TMEM184A: variants seen among roughly 807,000 people sequenced by gnomAD.
The protein encoded by TMEM184A is sexually dimorphic, expressed in male gonads 1.
In TMEM184A, 40 loss-of-function variants were observed where a neutral mutation model predicts 39.5. The observed-to-expected ratio is 1.01, with a 90% CI of 0.79 to 1.32. The LOEUF (loss-of-function observed/expected upper bound fraction) is 1.32, where lower values mean the gene tolerates loss of function less well. Ranked by LOEUF, TMEM184A falls within the 40% of genes most tolerant of loss-of-function variation. The pLI, the probability that TMEM184A is intolerant of heterozygous loss-of-function variation, is 0.00. For missense variants in TMEM184A, 603 were observed against 568.8 expected (o/e 1.06, Z -0.61); for synonymous variants, 280 against 252.3 (o/e 1.11, Z -1.04).
In TMEM184A at chr7:1,555,422, C is replaced by A. The variant is rs146216592; in HGVS notation, c.63G>T (p.Pro21=). The change falls in exon 2 of 9, where the codon CCG becomes CCT. Residue 21 remains proline, a synonymous_variant. Transcript: ENST00000297477. The surrounding 1 kb of genome is among the most constrained non-coding windows in gnomAD (Gnocchi z 5.2). ...GCACAGCCGGTGGGGGGCTGGGCTG[C>A]GGCCAGTTCGCTGACACCAGGGGGA... ...AGVPLVSANW[P]QPSPPPAVPA... 1.7e-5 allele frequency: 28 copies of A among 1,611,322 alleles called. No homozygotes were observed. The highest frequency in any genetic ancestry group is 2.4e-5 in the Non-Finnish European group (28 of 1,179,654).
rs973981301 is a variant in TMEM184A at position 1,546,846 on chromosome 7, CAGGAG to C, written c.*101_*105del. 2 of 774,836 alleles carry C rather than the reference CAGGAG, an allele frequency of 2.6e-6. No individual in the cohort carries two copies. Among genetic ancestry groups the C allele is most frequent in the Non-Finnish European group, 4.0e-6 (2 of 503,136 alleles). The allele number at this position is 774,836 out of a possible 1,614,324, so 48.0% of individuals were successfully genotyped here. The stretch of plus-strand genomic sequence containing the variant: ...TCCGAGGGCCTCACAGGTGGGCTCT[CAGGAG>C]AGGCCCCACCTTTGGCAGGAGTTGG... On this transcript the variant is annotated 3_prime_UTR_variant, in exon 9 of 9. Coordinates refer to ENST00000297477, the MANE Select transcript of TMEM184A (RefSeq NM_001097620.2).
intron 4 of TMEM184A, 27 bp downstream of exon 4, chr7:1,550,278 G>T: frequency 6.2e-7 from 1 of 1,611,142 alleles, no homozygotes; most frequent in South Asian, 1.1e-5. Flanking sequence ...TGTGTGGGGT[G>T]TGGGGGCTCT....
chr7:1,554,448 G>A (rs1353460132), intron 2 of TMEM184A, among the ~76,000 whole-genome samples: 5 of 152,134 alleles, frequency 3.3e-5, no homozygotes, highest in African/African-American at 7.2e-5. Context: ...CCACCTCACC[G>A]CACTGGGGTC....
Position 1,547,217 on chromosome 7 carries a change from C to T in TMEM184A, c.1013-36G>A, listed in dbSNP as rs777484624. The T allele has an allele frequency of 3.9e-6, 5 of 1,268,758 alleles. No individual in the cohort carries two copies. In the Admixed American group the frequency reaches 7.6e-5, roughly 19 times the overall value. 78.6% of individuals were successfully genotyped at this position (1,268,758 alleles called of 1,614,324 possible). A position where few individuals can be genotyped will look rare whatever the true frequency, so the allele number is the denominator to read the frequency against. On this transcript the variant is annotated intron_variant, in intron 8 of 8. Coordinates refer to ENST00000297477, the MANE Select transcript of TMEM184A (RefSeq NM_001097620.2). ...GCAGTGTATGAGCCCCACCATCCCC[C>T]CTGCACTCCAGCTCCCCGGACAAGT...
At position 1,542,993 on chromosome 7, in the gene TMEM184A, C is replaced by G. The variant is rs1043837120; in HGVS notation, c.*3959G>C. On this transcript the variant is annotated 3_prime_UTR_variant, in exon 9 of 9. Coordinates refer to ENST00000297477, the MANE Select transcript of TMEM184A (RefSeq NM_001097620.2). ...ACCTAATTTATTGCCGTGCGTCCTGCTGCTGTGACTGCTTTTGTACCTTTG... is the reference window on the plus strand; with the variant it reads ...ACCTAATTTATTGCCGTGCGTCCTGGTGCTGTGACTGCTTTTGTACCTTTG... The G allele has an allele frequency of 6.5e-6, 1 of 152,728 alleles. No homozygotes were observed. Among genetic ancestry groups the G allele is most frequent in the Non-Finnish European group, 1.5e-5 (1 of 68,100 alleles). 9.5% of individuals were successfully genotyped at this position (152,728 alleles called of 1,614,324 possible). A position where few individuals can be genotyped will look rare whatever the true frequency, so the allele number is the denominator to read the frequency against.
chr7:1,548,792 C>A, intron 6 of TMEM184A, 104 bp from the exon 7 acceptor site: 2 of 1,370,756 alleles, frequency 1.5e-6, no homozygotes, highest in South Asian at 2.5e-5. Context: ...CCACCCTGAG[C>A]TTGGGAGCAT....
Position 1,550,186 on chromosome 7 carries a change from C to A in TMEM184A, c.489G>T (p.Leu163Phe). The change falls in exon 5 of 9, where the codon TTG becomes TTT. Residue 163 changes from leucine (L) to phenylalanine (F), a missense_variant. Coordinates refer to ENST00000297477, the MANE Select transcript of TMEM184A (RefSeq NM_001097620.2). ...IRGKPIKSSCLYGTCCLRGMT... is the reference protein window; with the variant it reads ...IRGKPIKSSCFYGTCCLRGMT... ...TGCCCCGGAGGCAGCAGGTGCCGTA[C>A]AAGCAGCTGGACCTGCGGGGGACGT... The A allele has an allele frequency of 6.2e-7, 1 of 1,608,616 alleles. No individual in the cohort carries two copies. The highest frequency in any genetic ancestry group is 8.5e-7 in the Non-Finnish European group (1 of 1,178,240).
In TMEM184A at chr7:1,543,165, G is replaced by GT. The variant is rs1264728627; in HGVS notation, c.*3786dup. 1 of 152,292 alleles carries GT rather than the reference G, an allele frequency of 6.6e-6. No individual in the cohort carries two copies. Among genetic ancestry groups the GT allele is most frequent in the Non-Finnish European group, 1.5e-5 (1 of 68,028 alleles). 9.4% of individuals were successfully genotyped at this position (152,292 alleles called of 1,614,324 possible). On this transcript the variant is annotated 3_prime_UTR_variant, in exon 9 of 9. Transcript: ENST00000297477. ...CGGGGTCAGGATCCGGGCACTACGT[G>GT]TAAGTGGCTTTCCCGGACTGCTGGG...
intron 6 of TMEM184A, 91 bp downstream of exon 6, chr7:1,549,763 A>T: frequency 8.4e-7 from 1 of 1,192,504 alleles, no homozygotes; most frequent in Non-Finnish European, 1.2e-6. Context: ...GCCCAGCTGG[A>T]CGCCAAGTCC....
In TMEM184A at chr7:1,550,977, A is replaced by G. The variant is rs1163249491; in HGVS notation, c.225T>C (p.Tyr75=). The change falls in exon 3 of 9, where the codon TAT becomes TAC. Residue 75 remains tyrosine (Y), a synonymous_variant. Coordinates refer to ENST00000297477, the MANE Select transcript of TMEM184A (RefSeq NM_001097620.2). The part of the protein sequence containing the change: ...TALVLTCHQI[Y]LHLRSYTVPQ... ...GCACGGTGTAGGAGCGCAGGTGCAG[A>G]TAGATCTGGGCGCAGGAGGGGTCGC... 2.5e-6 allele frequency: 4 copies of G among 1,610,956 alleles called. No homozygotes were observed. Among genetic ancestry groups the G allele is most frequent in the Non-Finnish European group, 3.4e-6 (4 of 1,178,890 alleles).
At chr7:1,549,803 G>T in intron 6 of TMEM184A, 51 bp downstream of exon 6, 2 of 1,521,458 alleles carry the variant, frequency 1.3e-6, no homozygotes, top group Non-Finnish European at 1.8e-6. Context: ...CCGGGCCCCG[G>T]GGGACCCAGT....
Position 1,555,298 on chromosome 7 carries a change from C to A in TMEM184A, c.187G>T (p.Val63Leu), listed in dbSNP as rs773745617. Residue 63 changes from valine to leucine, a missense_variant, in exon 2 of 9, where the codon GTG (valine) becomes TTG (leucine). Physicochemically the swap from Val to Leu is conservative, Grantham distance 32. Transcript: ENST00000297477. This position sits in a 1 kb window ranked among gnomAD's most constrained non-coding sequence, Gnocchi z 5.2. ...ALARGVSGIF[V>L]WTALVLTCHQ... ...CAGGTGAGCACCAGGGCAGTCCACA[C>A]GAAGATCCCCGAGACGCCTCGGGCC... 1 of 1,607,308 alleles carries A rather than the reference C, an allele frequency of 6.2e-7. No homozygotes were observed. Among genetic ancestry groups the A allele is most frequent in the South Asian group, 1.1e-5 (1 of 90,642 alleles).
At position 1,544,673 on chromosome 7, in the gene TMEM184A, A is replaced by AAGAAGC. The variant is rs1254079143; in HGVS notation, c.*2273_*2278dup. Reference sequence around the variant, plus strand: ...GGGCTTTCCTTCGAGTCGTGTTGGAAAGAAGCAGAAGCAGCCTCACCCGTG... The same window carrying AAGAAGC: ...GGGCTTTCCTTCGAGTCGTGTTGGAAAGAAGCAGAAGCAGAAGCAGCCTCACCCGTG... On this transcript the variant is annotated 3_prime_UTR_variant, in exon 9 of 9. Coordinates refer to ENST00000297477, the MANE Select transcript of TMEM184A (RefSeq NM_001097620.2). 1 of 152,248 alleles carries AAGAAGC rather than the reference A, an allele frequency of 6.6e-6. No individual in the cohort carries two copies. Among genetic ancestry groups the AAGAAGC allele is most frequent in the Non-Finnish European group, 1.5e-5 (1 of 68,058 alleles). The allele number at this position is 152,248 out of a possible 1,614,324, so 9.4% of individuals were successfully genotyped here. A position where few individuals can be genotyped will look rare whatever the true frequency, so the allele number is the denominator to read the frequency against.
At position 1,555,196 on chromosome 7, in the gene TMEM184A, C is replaced by A; in HGVS notation, c.219+70G>T. Reference sequence around the variant, plus strand: ...CTATAGCAGCGGCACCCAGGGGGACCGGGCTGAGCCACGGCCACGTCCTGT... The same window carrying A: ...CTATAGCAGCGGCACCCAGGGGGACAGGGCTGAGCCACGGCCACGTCCTGT... On this transcript the variant is annotated intron_variant, in intron 2 of 8. Transcript: ENST00000297477. This position sits in a 1 kb window ranked among gnomAD's most constrained non-coding sequence, Gnocchi z 5.2. 1 of 1,335,100 alleles carries A rather than the reference C, an allele frequency of 7.5e-7. No homozygotes were observed. The highest frequency in any genetic ancestry group is 1.0e-6 in the Non-Finnish European group (1 of 985,792). The allele number at this position is 1,335,100 out of a possible 1,614,324, so 82.7% of individuals were successfully genotyped here. A position where few individuals can be genotyped will look rare whatever the true frequency, so the allele number is the denominator to read the frequency against.
chr7:1,547,360 C>T lies in TMEM184A; in HGVS notation c.1013-179G>A, dbSNP rs367804186. On this transcript the variant is annotated intron_variant, in intron 8 of 8. Coordinates refer to ENST00000297477, the MANE Select transcript of TMEM184A (RefSeq NM_001097620.2). ...AGCTTGCTCCACCCAGCACCGGGCCCGTCCCTGGCCAGACCCCTGACAAGG... is the reference window on the plus strand; with the variant it reads ...AGCTTGCTCCACCCAGCACCGGGCCTGTCCCTGGCCAGACCCCTGACAAGG... 5.1e-4 allele frequency among the ~76,000 whole-genome samples: 78 copies of T among 152,236 alleles called. No homozygotes were observed. The South Asian group carries it at 0.012, about 23-fold the overall frequency.
chr7:1,552,624 G>C (rs574590172), intron 2 of TMEM184A, among the ~76,000 whole-genome samples: 12 of 151,780 alleles, frequency 7.9e-5, no homozygotes, highest in African/African-American at 2.7e-4. Flanking sequence ...CGTTTCTAGA[G>C]CCCAGCTAAG....
At chr7:1,548,810 G>T in intron 6 of TMEM184A, 122 bp from the exon 7 acceptor site, 1 of 1,173,222 alleles carries the variant, frequency 8.5e-7, no homozygotes, top group Non-Finnish European at 1.2e-6. Context: ...CATGGGCCCT[G>T]CAGGGATCCT....
At chr7:1,552,415 C>T (rs889639102) in intron 2 of TMEM184A, among the ~76,000 whole-genome samples, 10 of 151,856 alleles carry the variant, frequency 6.6e-5, no homozygotes, top group Middle Eastern at 3.2e-3. Flanking sequence ...CTTAGCATTT[C>T]TTTGCGGGGA....
chr7:1,543,021 A>G lies in TMEM184A; in HGVS notation c.*3931T>C, dbSNP rs1562550378. On this transcript the variant is annotated 3_prime_UTR_variant, in exon 9 of 9. Transcript: ENST00000297477. ...CTGTGACTGCTTTTGTACCTTTGCAATAAAGAATTTTCTGGTTTCAGACCC... is the reference window on the plus strand; with the variant it reads ...CTGTGACTGCTTTTGTACCTTTGCAGTAAAGAATTTTCTGGTTTCAGACCC... 1 of 152,574 alleles carries G rather than the reference A, an allele frequency of 6.6e-6. No homozygotes were observed. Among genetic ancestry groups the G allele is most frequent in the Non-Finnish European group, 1.5e-5 (1 of 68,052 alleles). 9.5% of individuals were successfully genotyped at this position (152,574 alleles called of 1,614,324 possible). A position where few individuals can be genotyped will look rare whatever the true frequency, so the allele number is the denominator to read the frequency against.
Sources: allele counts gnomAD v4.1 joint callset (sites outside exome capture counted in the v4.1 genomes callset), GRCh38; gene constraint gnomAD v4.1.1; non-coding constraint Gnocchi (gnomAD v3.1); transcripts MANE v1.5; gene names NCBI Gene and HGNC (gene_info 2026-07-23, HGNC 2026-07-21).